Variants in STT3B observed in about 807,000 individuals in gnomAD.
STT3B encodes the protein STT3 oligosaccharyltransferase complex catalytic subunit B, also known as dolichyl-diphosphooligosaccharide--protein glycosyltransferase subunit STT3B.
STT3B carries 29 observed loss-of-function variants against 96.8 expected under a neutral mutation model. The observed-to-expected ratio is 0.30, with a 90% CI of 0.22 to 0.41. The LOEUF (loss-of-function observed/expected upper bound fraction) is 0.41. Among genes scored for constraint, STT3B ranks in the 10% least tolerant of loss-of-function variants. The probability of loss-of-function intolerance (pLI) is 1.00; values close to 1 mark genes in which losing one functional copy is unlikely to be tolerated. For synonymous variants in STT3B, 367 were observed against 360.0 expected, an observed-to-expected ratio of 1.02 and a Z score of -0.22; for missense variants, 640 against 1,022.3, an observed-to-expected ratio of 0.63 and a Z score of 5.10.
chr3:31,559,604 T>G (rs1040156187), intron 1 of STT3B, among the ~76,000 whole-genome samples: 1 of 152,060 alleles, frequency 6.6e-6, no homozygotes, highest in Non-Finnish European at 1.5e-5. Context: ...TAAGACTTGT[T>G]TTGTGTTCTA....
At chr3:31,577,172 T>C (rs986555426) in intron 2 of STT3B, among the ~76,000 whole-genome samples, 3 of 152,176 alleles carry the variant, frequency 2.0e-5, no homozygotes, top group Admixed American at 2.0e-4. Flanking sequence ...TGTTGATTAC[T>C]TCTAGCATAG....
At chr3:31,537,402 G>T (rs1176062478) in intron 1 of STT3B, among the ~76,000 whole-genome samples, 1 of 152,168 alleles carries the variant, frequency 6.6e-6, no homozygotes, top group African/African-American at 2.4e-5. Context: ...CACTTTGTGG[G>T]ATCATTAGCA....
chr3:31,623,694 T>C lies in STT3B; in HGVS notation c.1560T>C (p.His520=). 1 of 1,611,610 alleles carries C rather than the reference T, an allele frequency of 6.2e-7. No individual in the cohort carries two copies. Among genetic ancestry groups the C allele is most frequent in the Non-Finnish European group, 8.5e-7 (1 of 1,178,464 alleles). Residue 520 remains histidine (H), a synonymous_variant, in exon 11 of 16, where the codon CAT becomes CAC. Transcript: ENST00000295770. ...LYDKAGKVRK[H]ATEQEKTEEG... is the part of the protein sequence containing the mutation. The stretch of plus-strand genomic sequence containing the variant: ...TTTAGGCAGGTAAAGTGAGGAAACA[T>C]GCAACTGAACAGGAAAAAACTGAAG...
intron 5 of STT3B, among the ~76,000 whole-genome samples, chr3:31,602,383 G>A (rs1559382201): frequency 2.0e-5 from 3 of 151,924 alleles, no homozygotes; most frequent in African/African-American, 4.8e-5. Flanking sequence ...GTTGTTTTGT[G>A]TAAATTTAAA....
intron 2 of STT3B, among the ~76,000 whole-genome samples, chr3:31,579,439 C>T (rs1361391964): frequency 3.3e-5 from 4 of 120,952 alleles, no homozygotes; most frequent in Non-Finnish European, 4.8e-5. Context: ...GTTAGAACTC[C>T]AAACTCAAGG....
At position 31,623,354 on chromosome 3, in the gene STT3B, A is replaced by C. The variant is rs78075337; in HGVS notation, c.1540-320A>C. Among the ~76,000 whole-genome samples, 575 of 152,320 alleles carry C rather than the reference A, an allele frequency of 3.8e-3. 7 individuals carry two copies. Among genetic ancestry groups the C allele is most frequent in the African/African-American group, 0.013 (535 of 41,568 alleles). On this transcript the variant is annotated intron_variant, in intron 10 of 15. Transcript: ENST00000295770. The stretch of plus-strand genomic sequence containing the variant: ...ATAAGAATTTACATATTAAGATTTC[A>C]CCAGAATGGGGTCATTTGGTTAATC...
chr3:31,629,394 A>C lies in STT3B; in HGVS notation c.2170A>C (p.Arg724=). The change falls in exon 14 of 16, where the codon AGA becomes CGA. Residue 724 remains arginine (R), a synonymous_variant. Transcript: ENST00000295770. The part of the protein sequence containing the change: ...NCLMYKMSYY[R]FGEMQLDFRT... The stretch of plus-strand genomic sequence containing the variant: ...CCTTATGTATAAAATGTCATACTAC[A>C]GATTTGGAGAAATGCAGGTTAGTTA... 1 of 1,587,128 alleles carries C rather than the reference A, an allele frequency of 6.3e-7. No homozygotes were observed. Among genetic ancestry groups the C allele is most frequent in the Non-Finnish European group, 8.6e-7 (1 of 1,160,206 alleles).
At chr3:31,541,472 G>GTTTTTTTTTTTTTTTTTTTT (rs1302731899) in intron 1 of STT3B, among the ~76,000 whole-genome samples, 14 of 106,912 alleles carry the variant, frequency 1.3e-4, no homozygotes, top group Admixed American at 1.8e-4. Flanking sequence ...TTCTTTTTTT[G>GTTTTTTTTTTTTTTTTTTTT]TTTTTTTTTT....
At chr3:31,569,320 T>C (rs1698083218) in intron 1 of STT3B, among the ~76,000 whole-genome samples, 1 of 152,198 alleles carries the variant, frequency 6.6e-6, no homozygotes, top group African/African-American at 2.4e-5. Context: ...AATACCGTAT[T>C]GTACTAACTG....
intron 14 of STT3B, among the ~76,000 whole-genome samples, chr3:31,632,503 G>C (rs540847875): frequency 2.0e-5 from 3 of 152,210 alleles, no homozygotes; most frequent in Admixed American, 6.5e-5. Context: ...TTCCCTGAAG[G>C]GGGTGGTAAA....
intron 1 of STT3B, among the ~76,000 whole-genome samples, chr3:31,546,674 C>T (rs1286070285): frequency 6.6e-6 from 1 of 152,162 alleles, no homozygotes; most frequent in East Asian, 1.9e-4. Context: ...TTTTATCTCC[C>T]GTAAAATATC....
At chr3:31,618,033 G>A (rs1389892259) in intron 8 of STT3B, 45 bp downstream of exon 8, 1 of 1,292,802 alleles carries the variant, frequency 7.7e-7, no homozygotes, top group Non-Finnish European at 1.1e-6. Flanking sequence ...TTGAAATACT[G>A]CTTTTCCTTT....
chr3:31,594,913 AC>A (rs906322179), intron 3 of STT3B, among the ~76,000 whole-genome samples: 1 of 152,302 alleles, frequency 6.6e-6, no homozygotes, highest in Admixed American at 6.5e-5. Flanking sequence ...GGGGTGCACC[AC>A]CATCCTGGTA....
chr3:31,546,861 C>T (rs1296377078), intron 1 of STT3B, among the ~76,000 whole-genome samples: 1 of 152,144 alleles, frequency 6.6e-6, no homozygotes, highest in Non-Finnish European at 1.5e-5. Context: ...TTATTGCCCC[C>T]ATTTTACAGA....
chr3:31,626,251 G>T, intron 13 of STT3B, 124 bp downstream of exon 13: 1 of 864,636 alleles, frequency 1.2e-6, no homozygotes, highest in South Asian at 2.1e-5. Flanking sequence ...TCCTTACCCT[G>T]GCTTTACTAT....
intron 6 of STT3B, among the ~76,000 whole-genome samples, chr3:31,616,141 C>T (rs959066283): frequency 6.6e-6 from 1 of 151,752 alleles, no homozygotes; most frequent in African/African-American, 2.4e-5. Context: ...GAAGAGTGGA[C>T]AGTCATGTAG....
intron 3 of STT3B, among the ~76,000 whole-genome samples, chr3:31,593,405 C>T (rs550794556): frequency 6.6e-6 from 1 of 151,850 alleles, no homozygotes; most frequent in East Asian, 1.9e-4. Flanking sequence ...AGTACTTTGA[C>T]TACAGTTTGT....
Position 31,600,459 on chromosome 3 carries a change from G to T in STT3B, c.877G>T (p.Ala293Ser). The T allele has an allele frequency of 6.9e-7, 1 of 1,455,256 alleles. No individual in the cohort carries two copies. The highest frequency in any genetic ancestry group is 1.2e-5 in the South Asian group (1 of 82,574). The allele number at this position is 1,455,256 out of a possible 1,614,324, so 90.1% of individuals were successfully genotyped here. A position where few individuals can be genotyped will look rare whatever the true frequency, so the allele number is the denominator to read the frequency against. ...GAGATACAGCAAAAGAGTCTACATA[G>T]GTAAGTAATTTGATTTTTGACATCT... The part of the protein sequence containing the change: ...MQRYSKRVYI[A>S]YSTFYIVGLI... The change falls in exon 5 of 16, where the codon GCA becomes TCA. Residue 293 changes from alanine (A) to serine (S), a missense_variant and splice_region_variant. By Grantham distance (99) the Ala-to-Ser change is moderately conservative. Coordinates refer to ENST00000295770, the MANE Select transcript of STT3B (RefSeq NM_178862.3).
At chr3:31,584,434 A>G (rs1396036900) in intron 3 of STT3B, among the ~76,000 whole-genome samples, 1 of 152,112 alleles carries the variant, frequency 6.6e-6, no homozygotes, top group Non-Finnish European at 1.5e-5. Flanking sequence ...ATAAGTTTTA[A>G]GATTAGCTTG....
Sources: allele counts gnomAD v4.1 joint callset (sites outside exome capture counted in the v4.1 genomes callset), GRCh38; gene constraint gnomAD v4.1.1; transcripts MANE v1.5; gene names NCBI Gene and HGNC (gene_info 2026-07-23, HGNC 2026-07-21).